The following ATG10 variants were observed in gnomAD, a reference collection of about 807,000 sequenced individuals.
ATG10 encodes the protein ubiquitin-like-conjugating enzyme ATG10.
In ATG10, 30 loss-of-function variants were observed where a neutral mutation model predicts 32.1. That is an observed-to-expected ratio of 0.94 (90% confidence interval 0.70 to 1.27). ATG10 has a LOEUF of 1.27. ATG10 is among the 50% of genes most tolerant of loss of function. The pLI, the probability that ATG10 is intolerant of heterozygous loss-of-function variation, is 0.00. For missense variants in ATG10, 233 were observed against 262.3 expected (o/e 0.89, Z 0.77); for synonymous variants, 87 against 91.5 (o/e 0.95, Z 0.28).
intron 5 of ATG10, among the ~76,000 whole-genome samples, chr5:82,232,767 T>C (rs1268949080): frequency 4.6e-5 from 7 of 152,206 alleles, no homozygotes; most frequent in Non-Finnish European, 1.0e-4. Context: ...CCAACATTTT[T>C]TTTTAAGTGA....
At chr5:82,143,701 G>T (rs2149869454) in intron 3 of ATG10, among the ~76,000 whole-genome samples, 1 of 152,318 alleles carries the variant, frequency 6.6e-6, no homozygotes, top group South Asian at 2.1e-4. Flanking sequence ...GTAGAAAAGA[G>T]TTTGTTATCA....
intron 5 of ATG10, among the ~76,000 whole-genome samples, chr5:82,205,779 G>C (rs1253868332): frequency 6.6e-6 from 1 of 152,126 alleles, no homozygotes; most frequent in Non-Finnish European, 1.5e-5. Flanking sequence ...GCTTGAGATA[G>C]GCCAGATTAT....
At chr5:82,113,940 A>T (rs924453768) in intron 3 of ATG10, among the ~76,000 whole-genome samples, 8 of 151,834 alleles carry the variant, frequency 5.3e-5, no homozygotes, top group African/African-American at 1.9e-4. Flanking sequence ...TTGTACTTTG[A>T]TTTTGTTTGC....
chr5:82,185,575 A>G (rs1454678970), intron 5 of ATG10, among the ~76,000 whole-genome samples: 1 of 152,130 alleles, frequency 6.6e-6, no homozygotes, highest in East Asian at 1.9e-4. Context: ...ATGACAATTA[A>G]TTTTAGTGGG....
intron 3 of ATG10, among the ~76,000 whole-genome samples, chr5:82,141,289 A>AT (rs1321886155): frequency 1.3e-5 from 2 of 151,976 alleles, no homozygotes; most frequent in African/African-American, 4.8e-5. Flanking sequence ...TGTTACTTGA[A>AT]TTTTTTTTGT....
intron 5 of ATG10, among the ~76,000 whole-genome samples, chr5:82,195,646 T>C (rs544813215): frequency 6.6e-6 from 1 of 152,344 alleles, no homozygotes; most frequent in African/African-American, 2.4e-5. Context: ...ATGTGGCCTT[T>C]TGCTTATAGC....
intron 5 of ATG10, among the ~76,000 whole-genome samples, chr5:82,206,308 G>A (rs559379497): frequency 1.1e-4 from 17 of 152,232 alleles, no homozygotes; most frequent in Non-Finnish European, 1.9e-4. Flanking sequence ...AGAGGGATTG[G>A]AAGGTATTAT....
Position 82,206,532 on chromosome 5 carries a change from C to T in ATG10, c.453+27945C>T, listed in dbSNP as rs542934307. Reference sequence around the variant, plus strand: ...AGGCTTGGTGGCATGTGCCTGTGGTCCCAGCTACTAGGGAGGCTGAGGCAG... The same window carrying T: ...AGGCTTGGTGGCATGTGCCTGTGGTTCCAGCTACTAGGGAGGCTGAGGCAG... On this transcript the variant is annotated intron_variant, in intron 5 of 7. Transcript: ENST00000282185. 2.3e-3 allele frequency among the ~76,000 whole-genome samples: 343 copies of T among 151,974 alleles called. 2 individuals are homozygous for T. The highest frequency in any genetic ancestry group is 8.0e-3 in the African/African-American group (330 of 41,412).
At chr5:82,222,004 A>G (rs1745946725) in intron 5 of ATG10, among the ~76,000 whole-genome samples, 1 of 152,230 alleles carries the variant, frequency 6.6e-6, no homozygotes, top group African/African-American at 2.4e-5. Flanking sequence ...GTAAGCCAAA[A>G]TGTGATATTG....
At chr5:82,238,863 G>GTA (rs1746675153) in intron 5 of ATG10, among the ~76,000 whole-genome samples, 1 of 152,092 alleles carries the variant, frequency 6.6e-6, no homozygotes, top group African/African-American at 2.4e-5. Flanking sequence ...ATACCTTAGG[G>GTA]GGATACAGTG....
intron 2 of ATG10, among the ~76,000 whole-genome samples, chr5:82,026,895 C>A (rs546837609): frequency 4.6e-5 from 7 of 151,766 alleles, no homozygotes; most frequent in African/African-American, 1.7e-4. Flanking sequence ...CCTGTCCCTA[C>A]TAAAAATACA....
At chr5:82,015,702 AT>A (rs946075097) in intron 2 of ATG10, among the ~76,000 whole-genome samples, 11 of 152,112 alleles carry the variant, frequency 7.2e-5, no homozygotes, top group African/African-American at 2.4e-4. Context: ...ACTTCTCTAC[AT>A]TGGTTATTCC....
At chr5:82,104,192 CT>C (rs1451816785) in intron 3 of ATG10, among the ~76,000 whole-genome samples, 1 of 152,022 alleles carries the variant, frequency 6.6e-6, no homozygotes, top group Non-Finnish European at 1.5e-5. Flanking sequence ...ACATATTTCT[CT>C]TGTGTTATAC....
intron 3 of ATG10, among the ~76,000 whole-genome samples, chr5:82,148,956 C>T (rs1198321059): frequency 1.3e-5 from 2 of 152,030 alleles, no homozygotes; most frequent in Non-Finnish European, 2.9e-5. Flanking sequence ...TTTCTCTGGC[C>T]TTATCTTCTT....
intron 2 of ATG10, among the ~76,000 whole-genome samples, chr5:82,033,708 C>G (rs2149718241): frequency 6.7e-6 from 1 of 148,952 alleles, no homozygotes; most frequent in South Asian, 2.1e-4. Flanking sequence ...TATTCAGTTA[C>G]TTGGCTGTAA....
chr5:82,129,742 G>C (rs1046619813), intron 3 of ATG10, among the ~76,000 whole-genome samples: 2 of 152,148 alleles, frequency 1.3e-5, no homozygotes, highest in African/African-American at 4.8e-5. Flanking sequence ...GCATCTGCCA[G>C]ATGCCAGCTG....
chr5:82,068,783 C>T (rs575002703), intron 3 of ATG10, among the ~76,000 whole-genome samples: 2 of 136,414 alleles, frequency 1.5e-5, no homozygotes, highest in Non-Finnish European at 3.1e-5. Flanking sequence ...AAAAAAAAGA[C>T]AATAGGTTGT....
chr5:81,977,121 C>T (rs1001354483), intron 1 of ATG10, among the ~76,000 whole-genome samples: 4 of 152,180 alleles, frequency 2.6e-5, no homozygotes, highest in African/African-American at 9.7e-5. Flanking sequence ...GGCAATCCAC[C>T]TGCCTTGTCC....
At chr5:82,126,346 C>A (rs1766279027) in intron 3 of ATG10, among the ~76,000 whole-genome samples, 1 of 8,952 alleles carries the variant, frequency 1.1e-4, no homozygotes, top group African/African-American at 4.9e-4. Context: ...GGGCATCCTT[C>A]TCTTATGCCA....
Sources: gnomAD v4.1 joint callset for allele counts (sites outside exome capture counted in the v4.1 genomes callset) on GRCh38, gnomAD v4.1.1 for gene constraint, MANE v1.5 for transcripts, NCBI Gene and HGNC (gene_info 2026-07-23, HGNC 2026-07-21) for gene names.